ASIC2: variants seen among roughly 807,000 people sequenced by gnomAD.
The protein encoded by ASIC2 is acid-sensing ion channel 2.
Under a neutral mutation model 57.3 loss-of-function variants are expected in ASIC2, and 25 were observed. The observed-to-expected ratio is 0.44, with a 90% CI of 0.32 to 0.61. The LOEUF (loss-of-function observed/expected upper bound fraction) is 0.61, where lower values mean the gene tolerates loss of function less well. ASIC2 is among the 20% of genes least tolerant of loss of function. The pLI is 0.06. For missense variants in ASIC2, 641 were observed against 738.1 expected (o/e 0.87, Z 1.52); for synonymous variants, 319 against 307.5 (o/e 1.04, Z -0.39).
At chr17:33,674,674 G>A (rs1907754029) in intron 1 of ASIC2, among the ~76,000 whole-genome samples, 1 of 152,182 alleles carries the variant, frequency 6.6e-6, no homozygotes, top group African/African-American at 2.4e-5. Context: ...GTAAGTTATG[G>A]AATAAATAAT....
intron 1 of ASIC2, among the ~76,000 whole-genome samples, chr17:33,423,818 C>T (rs966952593): frequency 1.3e-5 from 2 of 152,212 alleles, no homozygotes; most frequent in African/African-American, 4.8e-5. Context: ...CAGTGTGTGG[C>T]TGCTATGTGG....
At chr17:33,218,413 G>A (rs1202366817) in intron 1 of ASIC2, among the ~76,000 whole-genome samples, 4 of 152,148 alleles carry the variant, frequency 2.6e-5, no homozygotes, top group African/African-American at 9.7e-5. Context: ...TTCTCACATC[G>A]AGCCCAGTGC....
At chr17:33,893,657 T>C (rs1915018996) in intron 1 of ASIC2, among the ~76,000 whole-genome samples, 2 of 152,168 alleles carry the variant, frequency 1.3e-5, no homozygotes, top group Non-Finnish European at 2.9e-5. Flanking sequence ...GACTTGATGG[T>C]CTCAAAGGTC....
At chr17:33,564,535 G>A (rs933000087) in intron 1 of ASIC2, among the ~76,000 whole-genome samples, 1 of 152,184 alleles carries the variant, frequency 6.6e-6, no homozygotes, top group African/African-American at 2.4e-5. Flanking sequence ...TTTATTTGTT[G>A]TCTTTCTGCA....
chr17:33,838,335 G>A (rs953914153), intron 1 of ASIC2, among the ~76,000 whole-genome samples: 6 of 152,090 alleles, frequency 3.9e-5, no homozygotes, highest in African/African-American at 1.2e-4. Flanking sequence ...CCCAGTGTTC[G>A]AGAGTATTGG....
At chr17:33,393,667 A>G (rs1909978328) in intron 1 of ASIC2, among the ~76,000 whole-genome samples, 1 of 152,194 alleles carries the variant, frequency 6.6e-6, no homozygotes, top group Non-Finnish European at 1.5e-5. Flanking sequence ...AGGGGAATAT[A>G]TGTGCTGAAA....
chr17:33,502,970 C>T (rs1467067861), intron 1 of ASIC2, among the ~76,000 whole-genome samples: 4 of 152,196 alleles, frequency 2.6e-5, no homozygotes, highest in African/African-American at 9.7e-5. Context: ...AAGGAAGGCA[C>T]ATTTGAGAAA....
At chr17:33,237,177 C>A (rs1295151763) in intron 1 of ASIC2, among the ~76,000 whole-genome samples, 1 of 152,046 alleles carries the variant, frequency 6.6e-6, no homozygotes, top group Non-Finnish European at 1.5e-5. Flanking sequence ...ACCATCAGAG[C>A]CAGAAGAAGT....
At chr17:34,155,334 A>T (rs1170656762) in intron 1 of ASIC2, among the ~76,000 whole-genome samples, 1 of 152,044 alleles carries the variant, frequency 6.6e-6, no homozygotes, top group Non-Finnish European at 1.5e-5. Flanking sequence ...CTGCCAACAG[A>T]TCAGATGGAG....
intron 1 of ASIC2, among the ~76,000 whole-genome samples, chr17:33,586,935 A>G (rs1330302919): frequency 6.6e-6 from 1 of 152,218 alleles, no homozygotes; most frequent in African/African-American, 2.4e-5. Context: ...CTCAGCTATA[A>G]CTGAGCCACA....
At chr17:33,117,489 A>G (rs1414660298) in intron 1 of ASIC2, among the ~76,000 whole-genome samples, 1 of 152,122 alleles carries the variant, frequency 6.6e-6, no homozygotes, top group East Asian at 1.9e-4. Flanking sequence ...CTCATTCTTG[A>G]TTATTGTCCC....
chr17:33,792,179 T>C (rs1911793300), intron 1 of ASIC2: 1 of 152,188 alleles, frequency 6.6e-6, no homozygotes, highest in South Asian at 2.1e-4. Context: ...AGTATTGAGG[T>C]CCACTAAGCA....
chr17:33,106,621 T>A (rs4239237), intron 2 of ASIC2, among the ~76,000 whole-genome samples: 3 of 151,978 alleles, frequency 2.0e-5, no homozygotes, highest in Non-Finnish European at 2.9e-5. Context: ...GAGTGCCTTC[T>A]GCAACCACCA....
At chr17:33,999,416 T>C (rs372117438) in intron 1 of ASIC2, among the ~76,000 whole-genome samples, 13 of 152,192 alleles carry the variant, frequency 8.5e-5, no homozygotes, top group Admixed American at 2.0e-4. Flanking sequence ...TGATTTCTGA[T>C]TGTTTTGTAG....
At chr17:33,488,552 CTA>C (rs1334407421) in intron 1 of ASIC2, among the ~76,000 whole-genome samples, 1 of 152,132 alleles carries the variant, frequency 6.6e-6, no homozygotes, top group Admixed American at 6.5e-5. Context: ...TGTTCTTTTG[CTA>C]TGTTTGGTGA....
chr17:34,150,977 C>T (rs1381012856), intron 1 of ASIC2, among the ~76,000 whole-genome samples: 1 of 151,944 alleles, frequency 6.6e-6, no homozygotes, highest in Non-Finnish European at 1.5e-5. Flanking sequence ...GTGGCAGGCG[C>T]CTGTAGTCCC....
intron 1 of ASIC2, among the ~76,000 whole-genome samples, chr17:33,864,634 T>G (rs1914184639): frequency 6.6e-6 from 1 of 152,222 alleles, no homozygotes; most frequent in Non-Finnish European, 1.5e-5. Context: ...GAGACTGTTC[T>G]GAATTTCCCA....
At chr17:33,220,145 T>C (rs73281612) in intron 1 of ASIC2, among the ~76,000 whole-genome samples, 5,531 of 152,282 alleles carry the variant, frequency 0.036, 335 homozygotes, top group African/African-American at 0.13. Flanking sequence ...AGTTTAACTC[T>C]AGAATAGAGA....
At chr17:33,868,071 AT>A (rs887678761) in intron 1 of ASIC2, among the ~76,000 whole-genome samples, 2 of 151,558 alleles carry the variant, frequency 1.3e-5, no homozygotes, top group Non-Finnish European at 2.9e-5. Flanking sequence ...AGCTAGGAAC[AT>A]TTTTTTTTCT....
Sources: gnomAD v4.1 joint callset for allele counts (sites outside exome capture counted in the v4.1 genomes callset) on GRCh38, gnomAD v4.1.1 for gene constraint, MANE v1.5 for transcripts, NCBI Gene and HGNC (gene_info 2026-07-23, HGNC 2026-07-21) for gene names.